OR1L6: variants seen among roughly 807,000 people sequenced by gnomAD.
The protein encoded by OR1L6 is olfactory receptor family 1 subfamily L member 6.
A neutral mutation model predicts 3.0 loss-of-function variants in OR1L6; 2 were observed. That is an observed-to-expected ratio of 0.68 (90% confidence interval 0.28 to 2.13). OR1L6 has a LOEUF of 2.13. OR1L6 is among the 30% of genes most tolerant of loss of function. OR1L6 has a pLI of 0.14. For synonymous variants in OR1L6, 121 were observed against 148.4 expected (o/e 0.82, Z 1.34); for missense variants, 304 against 378.4 (o/e 0.80, Z 1.63).
intron 1 of OR1L6, among the ~76,000 whole-genome samples, chr9:122,743,173 T>C (rs530485116): frequency 6.6e-6 from 1 of 152,158 alleles, no homozygotes; most frequent in African/African-American, 2.4e-5. Flanking sequence ...GAAGAACTAA[T>C]AGCTTGAGAG....
At chr9:122,748,258 T>C (rs923782118) in intron 1 of OR1L6, among the ~76,000 whole-genome samples, 6 of 152,152 alleles carry the variant, frequency 3.9e-5, no homozygotes, top group African/African-American at 1.4e-4. Context: ...CTGATGTTCA[T>C]TATTGTACTA....
At chr9:122,746,504 GTTGTT>G (rs2118908517) in intron 1 of OR1L6, among the ~76,000 whole-genome samples, 1 of 152,216 alleles carries the variant, frequency 6.6e-6, no homozygotes, top group East Asian at 1.9e-4. Context: ...TTCCTCTGTG[GTTGTT>G]TTGTTTGTTA....
rs1249719967 is a variant in OR1L6 at position 122,750,055 on chromosome 9, A to G, written c.208A>G (p.Met70Val). 1.2e-6 allele frequency: 2 copies of G among 1,613,958 alleles called. No individual in the cohort carries two copies. The highest frequency in any genetic ancestry group is 2.7e-5 in the African/African-American group (2 of 74,892). Residue 70 changes from methionine to valine, a missense_variant, in exon 2 of 2, where the codon ATG (methionine) becomes GTG (valine). Around this residue, in one of 3 missense-constraint regions of OR1L6, gnomAD observed 192 missense variants for 242.7 expected, o/e 0.79. Transcript: ENST00000304720. ...MYFFLSNLSF[M>V]DICFTTVIVP... ...CTTTTTTCTCAGCAACTTGTCTTTC[A>G]TGGATATCTGCTTCACAACAGTCAT... is the stretch of plus-strand genomic sequence containing the variant.
chr9:122,743,636 G>C (rs1050352749), intron 1 of OR1L6, among the ~76,000 whole-genome samples: 1 of 152,184 alleles, frequency 6.6e-6, no homozygotes, highest in Admixed American at 6.5e-5. Context: ...GGACCCAGAA[G>C]ACATCCAGAG....
chr9:122,750,086 C>G lies in OR1L6; in HGVS notation c.239C>G (p.Pro80Arg). Reference sequence around the variant, plus strand: ...ATCTGCTTCACAACAGTCATAGTGCCTAAGATGCTGGTGAATTTTCTATCA... The same window carrying G: ...ATCTGCTTCACAACAGTCATAGTGCGTAAGATGCTGGTGAATTTTCTATCA... ...MDICFTTVIVPKMLVNFLSET... is the reference protein window; with the variant it reads ...MDICFTTVIVRKMLVNFLSET... Residue 80 changes from proline (P) to arginine (R), a missense_variant, in exon 2 of 2, where the codon CCT (proline) becomes CGT (arginine). Pro to Arg is a moderately radical substitution (Grantham distance 103). This residue lies in a region of OR1L6 where 192 missense variants were observed against 242.7 expected (regional missense o/e 0.79). Transcript: ENST00000304720. 1.2e-6 allele frequency: 2 copies of G among 1,614,032 alleles called. No homozygotes were observed. The highest frequency in any genetic ancestry group is 1.1e-5 in the South Asian group (1 of 91,056).
intron 1 of OR1L6, among the ~76,000 whole-genome samples, chr9:122,746,260 A>T (rs1455814538): frequency 1.3e-5 from 2 of 152,142 alleles, no homozygotes; most frequent in Admixed American, 1.3e-4. Flanking sequence ...ATTTTGCTAC[A>T]CTCTAAATTT....
At chr9:122,744,735 G>A (rs912513122) in intron 1 of OR1L6, among the ~76,000 whole-genome samples, 6 of 152,162 alleles carry the variant, frequency 3.9e-5, no homozygotes, top group African/African-American at 7.2e-5. Context: ...TTGCAGTAGA[G>A]TTTGCCAAAC....
chr9:122,743,848 T>C (rs766030202), intron 1 of OR1L6, among the ~76,000 whole-genome samples: 54 of 151,990 alleles, frequency 3.6e-4, no homozygotes, highest in Non-Finnish European at 2.2e-4. Context: ...GAGCAAAGGA[T>C]AGGGTGGAAG....
chr9:122,746,926 AAATTTTTAAGTGGGT>A (rs1828843375), intron 1 of OR1L6, among the ~76,000 whole-genome samples: 1 of 152,118 alleles, frequency 6.6e-6, no homozygotes, highest in Non-Finnish European at 1.5e-5. Flanking sequence ...TATAATTTTC[AAATTTTTAAGTGGGT>A]TATTTTGTCA....
In OR1L6 at chr9:122,750,191, T is replaced by C; in HGVS notation, c.344T>C (p.Leu115Pro). The change falls in exon 2 of 2, where the codon CTG becomes CCG. Residue 115 changes from leucine to proline, a missense_variant. By Grantham distance (98) the Leu-to-Pro change is moderately conservative (BLOSUM62 -3). Transcript: ENST00000304720. ...FMAFGNTDSY[L>P]LASMAIDRLV... ...GCATTTGGGAACACTGACAGCTACC[T>C]GCTGGCCTCTATGGCCATCGACCGG... 1.2e-6 allele frequency: 2 copies of C among 1,614,062 alleles called. No homozygotes were observed. The highest frequency in any genetic ancestry group is 1.7e-6 in the Non-Finnish European group (2 of 1,179,958).
chr9:122,745,654 C>T (rs370801027), intron 1 of OR1L6, among the ~76,000 whole-genome samples: 1 of 151,676 alleles, frequency 6.6e-6, no homozygotes, highest in East Asian at 1.9e-4. Context: ...CCTCATGATC[C>T]GCCCGCCTCG....
intron 1 of OR1L6, among the ~76,000 whole-genome samples, chr9:122,748,388 A>G (rs1828856644): frequency 6.6e-6 from 1 of 151,638 alleles, no homozygotes; most frequent in Non-Finnish European, 1.5e-5. Flanking sequence ...CCCAGAAACC[A>G]CTTCCTCTGG....
At chr9:122,742,473 C>T (rs1291015876) in intron 1 of OR1L6, 100 bp downstream of exon 1, 1 of 152,260 alleles carries the variant, frequency 6.6e-6, no homozygotes, top group African/African-American at 2.4e-5. Context: ...TCCTCCATCT[C>T]AAAAGCCAGG....
Position 122,749,939 on chromosome 9 carries a change from T to A in OR1L6, c.92T>A (p.Ile31Asn). ...CAGCTGCAGAAACCTCTCTTTGCCATCTTCCTCATCATGTACCTGCTCGCT... is the reference window on the plus strand; with the variant it reads ...CAGCTGCAGAAACCTCTCTTTGCCAACTTCCTCATCATGTACCTGCTCGCT... ...NPQLQKPLFAIFLIMYLLAAV... is the reference protein window; with the variant it reads ...NPQLQKPLFANFLIMYLLAAV... Residue 31 changes from isoleucine to asparagine, a missense_variant, in exon 2 of 2, where the codon ATC (isoleucine) becomes AAC (asparagine). Around this residue, in one of 3 missense-constraint regions of OR1L6, gnomAD observed 192 missense variants for 242.7 expected, o/e 0.79. Transcript: ENST00000304720. The A allele has an allele frequency of 2.5e-6, 4 of 1,614,162 alleles. No individual in the cohort carries two copies. The highest frequency in any genetic ancestry group is 3.4e-6 in the Non-Finnish European group (4 of 1,180,030).
At chr9:122,746,036 C>T (rs1311281657) in intron 1 of OR1L6, among the ~76,000 whole-genome samples, 7 of 152,068 alleles carry the variant, frequency 4.6e-5, no homozygotes, top group African/African-American at 7.2e-5. Flanking sequence ...CTCCACTCCC[C>T]GACAGCCCTG....
At chr9:122,745,675 G>C (rs1010907308) in intron 1 of OR1L6, among the ~76,000 whole-genome samples, 1 of 151,784 alleles carries the variant, frequency 6.6e-6, no homozygotes, top group African/African-American at 2.4e-5. Context: ...GCCTCCCAAA[G>C]TGCTGGGATT....
chr9:122,749,364 T>C (rs1564249516), intron 1 of OR1L6, among the ~76,000 whole-genome samples: 1 of 152,232 alleles, frequency 6.6e-6, no homozygotes, highest in African/African-American at 2.4e-5. Context: ...ATTTTAACTA[T>C]ATTAATTCTC....
rs573390263 is a variant in OR1L6 at position 122,745,041 on chromosome 9, G to T, written c.-14+2668G>T. On this transcript the variant is annotated intron_variant, in intron 1 of 1. Coordinates refer to ENST00000304720, the MANE Select transcript of OR1L6 (RefSeq NM_001004453.3). ...CTAAAAGATACAGAGAAGGAAATGT[G>T]GAACGAACCCAAAGAGTTAAATAAG... Among the ~76,000 whole-genome samples the T allele has an allele frequency of 2.0e-5, 3 of 152,310 alleles. No individual in the cohort carries two copies. The South Asian group carries it at 6.2e-4, about 32-fold the overall frequency.
intron 1 of OR1L6, among the ~76,000 whole-genome samples, chr9:122,746,648 G>A (rs558368251): frequency 6.6e-6 from 1 of 152,176 alleles, no homozygotes; most frequent in African/African-American, 2.4e-5. Context: ...GGACAAAGAA[G>A]TGCAGATTTT....
Sources: allele counts gnomAD v4.1 joint callset (sites outside exome capture counted in the v4.1 genomes callset), GRCh38; gene constraint gnomAD v4.1.1; regional missense constraint gnomAD v4.1.1; transcripts MANE v1.5; gene names NCBI Gene and HGNC (gene_info 2026-07-23, HGNC 2026-07-21).